Variants in TOM1L2 observed in about 807,000 individuals in gnomAD.
The protein encoded by TOM1L2 is TOM1-like protein 2.
In TOM1L2, 31 loss-of-function variants were observed where a neutral mutation model predicts 67.9. The ratio of observed to expected loss-of-function variants is 0.46; its 90% CI spans 0.34 to 0.62. The LOEUF is 0.62. Among genes scored for constraint, TOM1L2 ranks in the 20% least tolerant of loss-of-function variants. TOM1L2 has a pLI of 0.01. For synonymous variants in TOM1L2, 256 were observed against 254.0 expected, an observed-to-expected ratio of 1.01 and a Z score of -0.07; for missense variants, 606 against 663.5, an observed-to-expected ratio of 0.91 and a Z score of 0.95.
chr17:17,856,933 T>C (rs532400294), intron 12 of TOM1L2, among the ~76,000 whole-genome samples: 169 of 152,354 alleles, frequency 1.1e-3, no homozygotes, highest in African/African-American at 4.0e-3. Flanking sequence ...CTTTGTTTTC[T>C]TTTTACTCTG....
intron 1 of TOM1L2, among the ~76,000 whole-genome samples, chr17:17,952,831 G>A (rs2041268983): frequency 6.6e-6 from 1 of 152,166 alleles, no homozygotes; most frequent in African/African-American, 2.4e-5. Flanking sequence ...GAGGAACACT[G>A]GAGTAAGAAG....
intron 12 of TOM1L2, among the ~76,000 whole-genome samples, chr17:17,861,187 C>T (rs921091775): frequency 2.0e-5 from 3 of 152,186 alleles, no homozygotes; most frequent in Admixed American, 6.5e-5. Context: ...ATTGGAACCC[C>T]AGCTTGCTGT....
At chr17:17,933,905 C>G (rs2040423048) in intron 1 of TOM1L2, among the ~76,000 whole-genome samples, 1 of 152,100 alleles carries the variant, frequency 6.6e-6, no homozygotes, top group Non-Finnish European at 1.5e-5. Flanking sequence ...AAGAATGTGA[C>G]TTGGGCCCAA....
At chr17:17,918,455 C>T (rs566774253) in intron 1 of TOM1L2, among the ~76,000 whole-genome samples, 14 of 152,168 alleles carry the variant, frequency 9.2e-5, no homozygotes, top group Non-Finnish European at 1.9e-4. Context: ...TATATTTTTA[C>T]AAAACACAGT....
intron 7 of TOM1L2, among the ~76,000 whole-genome samples, chr17:17,870,925 C>T (rs1170793848): frequency 2.0e-5 from 3 of 152,232 alleles, no homozygotes; most frequent in Admixed American, 2.0e-4. Context: ...TATCCTGCAA[C>T]ACAGCACTCA....
chr17:17,885,997 A>C (rs926364016), intron 4 of TOM1L2, among the ~76,000 whole-genome samples: 1 of 152,070 alleles, frequency 6.6e-6, no homozygotes, highest in Non-Finnish European at 1.5e-5. Flanking sequence ...GAATACTCAA[A>C]GGCCTTCCCA....
chr17:17,946,049 A>G (rs894784956), intron 1 of TOM1L2, among the ~76,000 whole-genome samples: 1 of 150,684 alleles, frequency 6.6e-6, no homozygotes, highest in African/African-American at 2.4e-5. Flanking sequence ...AATTTTTCAT[A>G]TTTTTTGGTA....
At position 17,869,442 on chromosome 17, in the gene TOM1L2, T is replaced by G. The variant is rs2037037030; in HGVS notation, c.809A>C (p.Gln270Pro). The change falls in exon 8 of 15, where the codon CAG (glutamine) becomes CCG (proline). Residue 270 changes from glutamine (Q) to proline (P), a missense_variant. Gln to Pro is a moderately conservative substitution (Grantham distance 76, BLOSUM62 -1). This residue lies in a region of TOM1L2 where 543 missense variants were observed against 554.0 expected (regional missense o/e 0.98). Coordinates refer to ENST00000379504, the MANE Select transcript of TOM1L2 (RefSeq NM_001082968.2). ...ELNRTCRAMQ[Q>P]RIVELISRVS... ...GCGGGAGATGAGCTCCACGATGCGC[T>G]GCTGCATGGCCCGACAGGTCCTGTT... The G allele has an allele frequency of 3.1e-6, 5 of 1,612,574 alleles. No individual in the cohort carries two copies. Among genetic ancestry groups the G allele is most frequent in the Non-Finnish European group, 3.4e-6 (4 of 1,179,502 alleles).
rs368469555 is a variant in TOM1L2 at position 17,847,716 on chromosome 17, G to C, written c.1443C>G (p.Pro481=). The C allele has an allele frequency of 1.7e-5, 27 of 1,613,880 alleles. No homozygotes were observed. Among genetic ancestry groups the C allele is most frequent in the Non-Finnish European group, 2.3e-5 (27 of 1,180,004 alleles). ...TTGAGGCTGGGGCAGGAGCCTCCATGGGGGGCGAGGGGAGGTCGGGAACCA... is the reference window on the plus strand; with the variant it reads ...TTGAGGCTGGGGCAGGAGCCTCCATCGGGGGCGAGGGGAGGTCGGGAACCA... ...AEMVPDLPSP[P]MEAPAPASNP... Residue 481 remains proline (P), a synonymous_variant, in exon 15 of 15, where the codon CCC becomes CCG. Coordinates refer to ENST00000379504, the MANE Select transcript of TOM1L2 (RefSeq NM_001082968.2).
chr17:17,919,330 T>G (rs951301904), intron 1 of TOM1L2, among the ~76,000 whole-genome samples: 1 of 152,170 alleles, frequency 6.6e-6, no homozygotes, highest in South Asian at 2.1e-4. Context: ...GCCCTCCCCT[T>G]GCACCCCCCT....
At chr17:17,972,085 C>A (rs1444307890) in intron 1 of TOM1L2, among the ~76,000 whole-genome samples, 177 bp downstream of exon 1, 1 of 151,748 alleles carries the variant, frequency 6.6e-6, no homozygotes, top group Non-Finnish European at 1.5e-5. Flanking sequence ...GTGGCACAAG[C>A]GCCCGGCAAA....
At chr17:17,893,960 G>A in intron 3 of TOM1L2, 150 bp from the exon 4 acceptor site, 1 of 705,170 alleles carries the variant, frequency 1.4e-6, no homozygotes, top group Non-Finnish European at 2.3e-6. Flanking sequence ...AAACCTGCAT[G>A]GCACACGCAT....
At chr17:17,921,764 T>TA (rs2039882761) in intron 1 of TOM1L2, among the ~76,000 whole-genome samples, 1 of 66,290 alleles carries the variant, frequency 1.5e-5, no homozygotes, top group African/African-American at 5.5e-5. Flanking sequence ...GGTGGGGGGG[T>TA]GGGATTCACC....
At chr17:17,898,299 A>G (rs533735756) in intron 3 of TOM1L2, among the ~76,000 whole-genome samples, 6 of 152,300 alleles carry the variant, frequency 3.9e-5, no homozygotes, top group Non-Finnish European at 8.8e-5. Flanking sequence ...GTGACAGAAA[A>G]GGGACCCACC....
chr17:17,919,012 G>A (rs765177582), intron 1 of TOM1L2, among the ~76,000 whole-genome samples: 12 of 152,202 alleles, frequency 7.9e-5, no homozygotes, highest in East Asian at 1.9e-4. Context: ...AGCTGTCCCC[G>A]GTTCTCCCTT....
At chr17:17,860,226 C>A (rs976147312) in intron 12 of TOM1L2, among the ~76,000 whole-genome samples, 3 of 152,232 alleles carry the variant, frequency 2.0e-5, no homozygotes, top group Non-Finnish European at 4.4e-5. Context: ...TCTCTAATGC[C>A]CACGCTGGGG....
At chr17:17,871,584 T>C (rs983574284) in intron 7 of TOM1L2, among the ~76,000 whole-genome samples, 6 of 152,134 alleles carry the variant, frequency 3.9e-5, no homozygotes, top group African/African-American at 1.4e-4. Flanking sequence ...GGTGGGAGAA[T>C]TGCTTGAATC....
intron 1 of TOM1L2, among the ~76,000 whole-genome samples, chr17:17,925,682 CAA>C (rs1193121320): frequency 1.6e-4 from 13 of 79,696 alleles, no homozygotes; most frequent in Admixed American, 2.9e-4. Flanking sequence ...TCGTGTCTAC[CAA>C]AAAAAAAAAA....
At chr17:17,887,349 G>A (rs890071137) in intron 4 of TOM1L2, among the ~76,000 whole-genome samples, 1 of 152,220 alleles carries the variant, frequency 6.6e-6, no homozygotes, top group Non-Finnish European at 1.5e-5. Flanking sequence ...AAAAAATGGG[G>A]TGCAGGGGCG....
Sources: gnomAD v4.1 joint callset for allele counts (sites outside exome capture counted in the v4.1 genomes callset) on GRCh38, gnomAD v4.1.1 for gene constraint, gnomAD v4.1.1 regional missense constraint, MANE v1.5 for transcripts, NCBI Gene and HGNC (gene_info 2026-07-23, HGNC 2026-07-21) for gene names.